The following SYT1 variants were observed in gnomAD, a reference collection of about 807,000 sequenced individuals.
SYT1 encodes synaptotagmin 1.
SYT1 carries 8 observed loss-of-function variants against 44.8 expected under a neutral mutation model. That is an observed-to-expected ratio of 0.18 (90% CI 0.10 to 0.32). The LOEUF (loss-of-function observed/expected upper bound fraction) is 0.32. Among genes scored for constraint, SYT1 ranks in the 10% least tolerant of loss-of-function variants. The pLI is 1.00. For synonymous variants in SYT1, 154 were observed against 188.8 expected, an observed-to-expected ratio of 0.82 and a Z score of 1.51; for missense variants, 286 against 509.3, an observed-to-expected ratio of 0.56 and a Z score of 4.22.
At chr12:79,105,128 T>G (rs1355123539) in intron 3 of SYT1, among the ~76,000 whole-genome samples, 2 of 152,220 alleles carry the variant, frequency 1.3e-5, no homozygotes, top group Non-Finnish European at 2.9e-5. Context: ...CATAGGTGGC[T>G]ATTGGGATCA....
intron 4 of SYT1, among the ~76,000 whole-genome samples, chr12:79,236,204 C>G (rs955762544): frequency 5.9e-5 from 9 of 152,184 alleles, no homozygotes; most frequent in Admixed American, 3.3e-4. Flanking sequence ...TTTCTTAGAT[C>G]TGAGCTCTGA....
intron 3 of SYT1, among the ~76,000 whole-genome samples, chr12:79,067,715 G>T (rs1264243761): frequency 6.6e-6 from 1 of 152,120 alleles, no homozygotes; most frequent in African/African-American, 2.4e-5. Flanking sequence ...TTGCTGTGTG[G>T]TGTAGAAAGG....
chr12:79,238,453 T>C (rs971706127), intron 4 of SYT1, among the ~76,000 whole-genome samples: 1 of 152,132 alleles, frequency 6.6e-6, no homozygotes, highest in African/African-American at 2.4e-5. Context: ...CTTGTTTCAT[T>C]AGAGAGCTGG....
intron 3 of SYT1, among the ~76,000 whole-genome samples, chr12:79,115,192 A>G (rs1027526969): frequency 7.2e-5 from 11 of 152,190 alleles, no homozygotes; most frequent in African/African-American, 2.4e-4. Flanking sequence ...TCATAAAATT[A>G]TAACTCAGAA....
At position 79,204,173 on chromosome 12, in the gene SYT1, G is replaced by A. The variant is rs547087198; in HGVS notation, c.-17-13330G>A. 8.5e-5 allele frequency among the ~76,000 whole-genome samples: 13 copies of A among 152,284 alleles called. No individual in the cohort carries two copies. The South Asian group carries it at 2.7e-3, about 32-fold the overall frequency. On this transcript the variant is annotated intron_variant, in intron 3 of 10. Coordinates refer to ENST00000261205, the MANE Select transcript of SYT1 (RefSeq NM_005639.3). ...GGTTTATTTTGTGAGCATTATATGA[G>A]CTTAGATGTTTAAAGCACTTATAAT...
At chr12:79,253,171 T>C (rs1453590659) in intron 4 of SYT1, among the ~76,000 whole-genome samples, 1 of 152,194 alleles carries the variant, frequency 6.6e-6, no homozygotes, top group Non-Finnish European at 1.5e-5. Context: ...CATTTTATCA[T>C]GTTTCACTGT....
chr12:79,099,321 A>G lies in SYT1; in HGVS notation c.-18+51959A>G, dbSNP rs953321572. Among the ~76,000 whole-genome samples, 3 of 152,168 alleles carry G rather than the reference A, an allele frequency of 2.0e-5. No individual in the cohort carries two copies. In the South Asian group the frequency reaches 6.2e-4, roughly 31 times the overall value. On this transcript the variant is annotated intron_variant, in intron 3 of 10. Transcript: ENST00000261205. ...CACATAAAAGAGAAGCTTTAGCACA[A>G]TAACGTTTTGTCTAAACATTATTTA...
intron 4 of SYT1, among the ~76,000 whole-genome samples, chr12:79,284,626 A>G (rs1879213203): frequency 6.6e-6 from 1 of 152,120 alleles, no homozygotes; most frequent in Non-Finnish European, 1.5e-5. Flanking sequence ...TCATAAGGTC[A>G]GGAGATCGAG....
intron 3 of SYT1, among the ~76,000 whole-genome samples, chr12:79,161,650 AC>A (rs1232029145): frequency 6.6e-6 from 1 of 152,182 alleles, no homozygotes; most frequent in Non-Finnish European, 1.5e-5. Flanking sequence ...CAGATAATCA[AC>A]TGTCTATTTT....
intron 4 of SYT1, among the ~76,000 whole-genome samples, chr12:79,281,957 T>G (rs1165977704): frequency 6.6e-6 from 1 of 152,192 alleles, no homozygotes; most frequent in East Asian, 1.9e-4. Context: ...GGAGAATCCA[T>G]TTCCCTGCCT....
intron 4 of SYT1, among the ~76,000 whole-genome samples, chr12:79,269,798 G>A (rs1878325959): frequency 6.6e-6 from 1 of 152,044 alleles, no homozygotes; most frequent in African/African-American, 2.4e-5. Context: ...TTCAAAAAAG[G>A]TTTAGAACTA....
intron 1 of SYT1, among the ~76,000 whole-genome samples, chr12:78,878,629 G>A (rs901458988): frequency 4.0e-5 from 6 of 151,732 alleles, no homozygotes; most frequent in Non-Finnish European, 8.8e-5. Flanking sequence ...ACCCATAAAA[G>A]AATTGAGTAC....
intron 2 of SYT1, among the ~76,000 whole-genome samples, chr12:78,991,829 T>TCACA (rs1870040848): frequency 6.6e-6 from 1 of 152,202 alleles, no homozygotes; most frequent in Non-Finnish European, 1.5e-5. Flanking sequence ...TGTACTCTTT[T>TCACA]TGTGGATAAG....
chr12:79,068,469 T>A (rs1451205976), intron 3 of SYT1, among the ~76,000 whole-genome samples: 1 of 152,186 alleles, frequency 6.6e-6, no homozygotes, highest in Admixed American at 6.6e-5. Flanking sequence ...GGATAAACTG[T>A]TCACATATGC....
chr12:79,368,130 G>A (rs544855067), intron 9 of SYT1, among the ~76,000 whole-genome samples: 5 of 145,438 alleles, frequency 3.4e-5, no homozygotes, highest in African/African-American at 1.3e-4. Context: ...TCCCACCTAT[G>A]AGTGAGAACA....
intron 1 of SYT1, among the ~76,000 whole-genome samples, chr12:78,884,312 T>G (rs1368598047): frequency 6.6e-6 from 1 of 151,614 alleles, no homozygotes; most frequent in Non-Finnish European, 1.5e-5. Context: ...ATATTAGGAA[T>G]AGCTATATCT....
At chr12:79,243,484 C>G (rs1565871725) in intron 4 of SYT1, among the ~76,000 whole-genome samples, 1 of 152,156 alleles carries the variant, frequency 6.6e-6, no homozygotes, top group Non-Finnish European at 1.5e-5. Flanking sequence ...AAACTCAGCA[C>G]AGTGAGAATA....
chr12:79,159,251 G>T (rs1870797065), intron 3 of SYT1, among the ~76,000 whole-genome samples: 2 of 152,248 alleles, frequency 1.3e-5, no homozygotes, highest in South Asian at 2.1e-4. Context: ...AAATTAGGTA[G>T]GTTTAGAGAT....
chr12:79,256,667 C>T (rs1001121370), intron 4 of SYT1, among the ~76,000 whole-genome samples: 5 of 152,126 alleles, frequency 3.3e-5, no homozygotes, highest in Admixed American at 3.3e-4. Context: ...AGATACACTA[C>T]TAATAGCAGA....
Sources: gnomAD v4.1 joint callset for allele counts (sites outside exome capture counted in the v4.1 genomes callset) on GRCh38, gnomAD v4.1.1 for gene constraint, MANE v1.5 for transcripts, NCBI Gene and HGNC (gene_info 2026-07-23, HGNC 2026-07-21) for gene names.